PCLO: variants seen among roughly 807,000 people sequenced by gnomAD.
PCLO encodes protein piccolo.
Under a neutral mutation model 427.5 loss-of-function variants are expected in PCLO, and 82 were observed. The ratio of observed to expected loss-of-function variants is 0.19; its 90% CI spans 0.16 to 0.23. The LOEUF (loss-of-function observed/expected upper bound fraction) is 0.23, where lower values mean the gene tolerates loss of function less well. PCLO is among the 10% of genes least tolerant of loss of function. The pLI is 1.00. For synonymous variants in PCLO, 2,357 were observed against 2,155.4 expected (o/e 1.09, Z -2.59); for missense variants, 6,239 against 6,115.9 (o/e 1.02, Z -0.67).
intron 3 of PCLO, among the ~76,000 whole-genome samples, chr7:83,110,575 A>G (rs892229323): frequency 7.2e-5 from 11 of 152,104 alleles, no homozygotes; most frequent in African/African-American, 2.7e-4. Context: ...ATCACAATCC[A>G]ATTTCATAAC....
At chr7:83,138,179 C>T (rs568741250) in intron 2 of PCLO, among the ~76,000 whole-genome samples, 4 of 152,292 alleles carry the variant, frequency 2.6e-5, no homozygotes, top group Admixed American at 6.5e-5. Flanking sequence ...ATACCTATTA[C>T]GTGCAAGATC....
rs772045783 is a variant in PCLO at position 83,134,615 on chromosome 7, G to T, written c.2935C>A (p.Pro979Thr). 3.7e-6 allele frequency: 6 copies of T among 1,613,738 alleles called. No homozygotes were observed. The East Asian group carries it at 1.1e-4, about 30-fold the overall frequency. The change falls in exon 3 of 25, where the codon CCA becomes ACA. Residue 979 changes from proline to threonine, a missense_variant. Coordinates refer to ENST00000333891, the MANE Select transcript of PCLO (RefSeq NM_033026.6). ...APSQPPTSQG[P>T]PKSTGQAPPA... ...GGTGCTTGACCTGTGGATTTGGGTG[G>T]CCCTTGTGAAGTAGGTGGCTGTGAA... is the stretch of plus-strand genomic sequence containing the variant.
Position 82,952,768 on chromosome 7 carries a change from C to G in PCLO, c.8185G>C (p.Asp2729His). ...TCTACCTTTGGTACTGTACGCAAATCAATTACATCACCAACAAGTTGCAAT... is the reference window on the plus strand; with the variant it reads ...TCTACCTTTGGTACTGTACGCAAATGAATTACATCACCAACAAGTTGCAAT... ...GKLQLVGDVI[D>H]LRTVPKVEVK... Residue 2729 changes from aspartate (D) to histidine (H), a missense_variant, in exon 5 of 25, where the codon GAT becomes CAT. Physicochemically the swap from Asp to His is moderately conservative, Grantham distance 81. Coordinates refer to ENST00000333891, the MANE Select transcript of PCLO (RefSeq NM_033026.6). 6.2e-7 allele frequency: 1 copy of G among 1,613,412 alleles called. No individual in the cohort carries two copies. The highest frequency in any genetic ancestry group is 2.2e-5 in the East Asian group (1 of 44,832).
At chr7:83,028,095 A>C (rs1454698068) in intron 3 of PCLO, among the ~76,000 whole-genome samples, 2 of 150,762 alleles carry the variant, frequency 1.3e-5, no homozygotes, top group East Asian at 3.9e-4. Flanking sequence ...TAGTGTTGGA[A>C]GTTCTGGCCA....
At chr7:83,088,118 C>T (rs1027367941) in intron 3 of PCLO, among the ~76,000 whole-genome samples, 2 of 152,196 alleles carry the variant, frequency 1.3e-5, no homozygotes, top group African/African-American at 4.8e-5. Flanking sequence ...AATTACTTCT[C>T]AGGAGTCACT....
rs565457969 is a variant in PCLO, at chr7:83,044,095, G to A, written c.3301-77608C>T. 3.4e-3 allele frequency among the ~76,000 whole-genome samples: 520 copies of A among 151,720 alleles called. 5 individuals carry two copies. The highest frequency in any genetic ancestry group is 6.0e-3 in the Non-Finnish European group (406 of 67,916). On this transcript the variant is annotated intron_variant, in intron 3 of 24. Transcript: ENST00000333891. ...CCTCAGGAAACTTACAACCATGGCG[G>A]AAAGTGAAGGAGAAGCAGGGCACAC...
Position 82,836,571 on chromosome 7 carries a change from AAC to A in PCLO, c.14223-880_14223-879del, listed in dbSNP as rs1302983131. Reference sequence around the variant, plus strand: ...ATGTTCAATAAAGTAAAACTAGAGCAACCATACCAACAATTCCAAGTTTTTAA... The same window carrying A: ...ATGTTCAATAAAGTAAAACTAGAGCACATACCAACAATTCCAAGTTTTTAA... On this transcript the variant is annotated intron_variant, in intron 15 of 24. Transcript: ENST00000333891. 2.0e-5 allele frequency among the ~76,000 whole-genome samples: 3 copies of A among 152,342 alleles called. No homozygotes were observed. In the East Asian group the frequency reaches 5.8e-4, roughly 29 times the overall value.
At chr7:82,844,227 T>C (rs1792441898) in intron 13 of PCLO, among the ~76,000 whole-genome samples, 1 of 152,142 alleles carries the variant, frequency 6.6e-6, no homozygotes, top group East Asian at 1.9e-4. Flanking sequence ...ATTATCAAAA[T>C]AGAGCCTCTA....
rs1562962192 is a variant in PCLO, at chr7:83,096,920, T to TATAATATAATATATTATATATTATATAA, written c.3300+37329_3300+37330insTTATATAATATATAATATATTATATTAT. On this transcript the variant is annotated intron_variant, in intron 3 of 24. Transcript: ENST00000333891. ...ATTAATATTATATTATCTAAATATA[T>TATAATATAATATATTATATATTATATAA]ATAATATAATATAATATATTATATA... Among the ~76,000 whole-genome samples, 86 of 49,140 alleles carry TATAATATAATATATTATATATTATATAA rather than the reference T, an allele frequency of 1.8e-3. 18 individuals carry two copies. Among genetic ancestry groups the TATAATATAATATATTATATATTATATAA allele is most frequent in the South Asian group, 4.1e-3 (8 of 1,956 alleles). The allele number at this position is 49,140 out of a possible 152,430, so 32.2% of individuals were successfully genotyped here.
chr7:82,963,125 GTTTC>G (rs1375601173), intron 4 of PCLO, among the ~76,000 whole-genome samples: 2 of 151,948 alleles, frequency 1.3e-5, no homozygotes, highest in African/African-American at 4.8e-5. Flanking sequence ...AACAATACCT[GTTTC>G]TTTGAGAAAA....
intron 3 of PCLO, among the ~76,000 whole-genome samples, chr7:83,052,943 A>T (rs1789289518): frequency 6.6e-6 from 1 of 151,956 alleles, no homozygotes; most frequent in Non-Finnish European, 1.5e-5. Context: ...TGTACTTCTT[A>T]TTCATCCTCT....
intron 3 of PCLO, among the ~76,000 whole-genome samples, chr7:83,086,985 G>A (rs918194195): frequency 1.0e-4 from 15 of 146,942 alleles, no homozygotes; most frequent in Admixed American, 3.6e-4. Context: ...ACCAAACACC[G>A]CATGTTCTCA....
intron 2 of PCLO, among the ~76,000 whole-genome samples, chr7:83,153,376 G>T (rs1403527884): frequency 1.3e-5 from 2 of 151,746 alleles, no homozygotes; most frequent in African/African-American, 4.8e-5. Flanking sequence ...AAAAAGTAAA[G>T]GTTACTTTAG....
intron 3 of PCLO, among the ~76,000 whole-genome samples, chr7:83,048,232 T>C (rs1198442864): frequency 6.6e-6 from 1 of 152,110 alleles, no homozygotes; most frequent in Non-Finnish European, 1.5e-5. Flanking sequence ...CTATATCTAG[T>C]ATTTTTATAA....
At chr7:83,152,268 G>T (rs114919052) in intron 2 of PCLO, among the ~76,000 whole-genome samples, 2,174 of 152,158 alleles carry the variant, frequency 0.014, 52 homozygotes, top group African/African-American at 0.049. Flanking sequence ...CCGGCCCAAA[G>T]TTACTTTTTA....
chr7:82,826,607 G>C lies in PCLO; in HGVS notation c.14397C>G (p.Ser4799=), dbSNP rs370303452. The change falls in exon 18 of 25, where the codon TCC becomes TCG. Residue 4799 remains serine (S), a synonymous_variant. Coordinates refer to ENST00000333891, the MANE Select transcript of PCLO (RefSeq NM_033026.6). ...GGCTTACCTCCCCAAGGAAGTCGTT[G>C]GATGAAAATCTATCATAATCCCAAA... is the stretch of plus-strand genomic sequence containing the variant. The part of the protein sequence containing the change: ...VTVWDYDRFS[S]NDFLGEVLID... 3.9e-4 allele frequency: 633 copies of C among 1,605,148 alleles called. 2 individuals are homozygous for C. The highest frequency in any genetic ancestry group is 4.0e-4 in the Non-Finnish European group (465 of 1,174,490).
At chr7:82,775,004 T>C (rs1790719850) in intron 22 of PCLO, among the ~76,000 whole-genome samples, 1 of 152,190 alleles carries the variant, frequency 6.6e-6, no homozygotes, top group Non-Finnish European at 1.5e-5. Context: ...ATATAGATTT[T>C]TTAGATTTTT....
At chr7:82,838,154 A>C in intron 15 of PCLO, 64 bp downstream of exon 15, 1 of 1,129,212 alleles carries the variant, frequency 8.9e-7, no homozygotes, top group Non-Finnish European at 1.3e-6. Context: ...TGGAAATTAA[A>C]GAGTAGAAAA....
At chr7:82,876,849 G>A (rs1428887335) in intron 10 of PCLO, among the ~76,000 whole-genome samples, 2 of 152,036 alleles carry the variant, frequency 1.3e-5, no homozygotes, top group Non-Finnish European at 2.9e-5. Context: ...TATGGATTTG[G>A]ATTATACAAG....
Sources: allele counts gnomAD v4.1 joint callset (sites outside exome capture counted in the v4.1 genomes callset), GRCh38; gene constraint gnomAD v4.1.1; transcripts MANE v1.5; gene names NCBI Gene and HGNC (gene_info 2026-07-23, HGNC 2026-07-21).